TMCO5A: variants seen among roughly 807,000 people sequenced by gnomAD.
TMCO5A encodes the protein transmembrane and coiled-coil domains 5A.
TMCO5A carries 34 observed loss-of-function variants against 42.3 expected under a neutral mutation model. The ratio of observed to expected loss-of-function variants is 0.80; its 90% CI spans 0.61 to 1.07. The LOEUF (loss-of-function observed/expected upper bound fraction) is 1.07, where lower values mean the gene tolerates loss of function less well. TMCO5A is among the 50% of genes least tolerant of loss of function. The pLI, the probability that TMCO5A is intolerant of heterozygous loss-of-function variation, is 0.00. For missense variants in TMCO5A, 357 were observed against 327.9 expected (o/e 1.09, Z -0.69); for synonymous variants, 131 against 115.6 (o/e 1.13, Z -0.86).
rs570709604 is a variant in TMCO5A, at chr15:37,938,118, A to G, written c.316-40A>G. The G allele has an allele frequency of 5.3e-5, 80 of 1,514,550 alleles. 1 individual carries two copies. In the South Asian group the frequency reaches 7.7e-4, roughly 15 times the overall value. 93.8% of individuals were successfully genotyped at this position (1,514,550 alleles called of 1,614,324 possible). ...ACACCAGAGAAAGTCTTTGCCTTCT[A>G]CACCTTTTAATTTAGTATATTTTTT... On this transcript the variant is annotated intron_variant, in intron 5 of 11. Coordinates refer to ENST00000319669, the MANE Select transcript of TMCO5A (RefSeq NM_152453.4).
chr15:38,003,614 C>T, the TMCO5A span, among the ~76,000 whole-genome samples: 1 of 152,018 alleles, frequency 6.6e-6, no homozygotes, highest in African/African-American at 2.4e-5. Context: ...AGCTTTAAGA[C>T]AAAGTCCTTC....
At chr15:38,038,386 G>A in the TMCO5A span, among the ~76,000 whole-genome samples, 4 of 151,588 alleles carry the variant, frequency 2.6e-5, no homozygotes, top group Non-Finnish European at 4.4e-5. Context: ...ACTGGTATGA[G>A]ATATGGAAGA....
intron 11 of TMCO5A, among the ~76,000 whole-genome samples, chr15:37,961,463 G>A (rs927349388): frequency 2.0e-5 from 3 of 152,090 alleles, no homozygotes; most frequent in Non-Finnish European, 4.4e-5. Context: ...TTTGTTTGAA[G>A]TCAGGTAGTG....
downstream of TMCO5A, chr15:37,951,483 G>A (rs1184352976): frequency 4.7e-6 from 2 of 424,668 alleles, no homozygotes; most frequent in Non-Finnish European, 8.3e-6. Context: ...TGACCATTTG[G>A]GGAATTATAT....
downstream of TMCO5A, among the ~76,000 whole-genome samples, chr15:37,971,740 G>A (rs1430758411): frequency 6.6e-6 from 1 of 152,118 alleles, no homozygotes; most frequent in Non-Finnish European, 1.5e-5. Flanking sequence ...CAAATCTCTA[G>A]GGCAGGGGCA....
the TMCO5A span, among the ~76,000 whole-genome samples, chr15:38,036,297 G>C: frequency 6.6e-6 from 1 of 152,060 alleles, no homozygotes; most frequent in Non-Finnish European, 1.5e-5. Context: ...TCCAATGCTA[G>C]TCTCATCTAT....
chr15:38,003,633 C>G, the TMCO5A span, among the ~76,000 whole-genome samples: 16 of 152,076 alleles, frequency 1.1e-4, no homozygotes, highest in East Asian at 3.1e-3. Context: ...TCTCACTCTT[C>G]CCTCCTCTTT....
chr15:38,030,209 G>C, the TMCO5A span, among the ~76,000 whole-genome samples: 1 of 152,146 alleles, frequency 6.6e-6, no homozygotes, highest in Non-Finnish European at 1.5e-5. Flanking sequence ...CCAGTAACTG[G>C]ATCAGACAGA....
At chr15:37,999,685 GT>G in the TMCO5A span, among the ~76,000 whole-genome samples, 16 of 151,978 alleles carry the variant, frequency 1.1e-4, no homozygotes, top group African/African-American at 3.9e-4. Context: ...GGCTTTTATT[GT>G]ATTGAGGTAT....
chr15:38,038,792 A>C, the TMCO5A span, among the ~76,000 whole-genome samples: 2 of 152,168 alleles, frequency 1.3e-5, no homozygotes, highest in Non-Finnish European at 2.9e-5. Context: ...AAATTGCTTC[A>C]TTCTCCCAAC....
the TMCO5A span, chr15:37,994,515 A>G: frequency 1.3e-5 from 2 of 152,214 alleles, no homozygotes; most frequent in African/African-American, 4.8e-5. Flanking sequence ...TAAATATACG[A>G]CTTGATAGTC....
chr15:37,958,056 G>A (rs1437189714), intron 11 of TMCO5A, among the ~76,000 whole-genome samples: 1 of 152,128 alleles, frequency 6.6e-6, no homozygotes, highest in South Asian at 2.1e-4. Context: ...GCTGAAACTG[G>A]ATCCCTTCCT....
chr15:37,993,514 CT>C, the TMCO5A span: 1 of 152,020 alleles, frequency 6.6e-6, no homozygotes, highest in Non-Finnish European at 1.5e-5. Context: ...CTGAATTTCT[CT>C]GTATATGTGG....
At chr15:38,007,898 T>C in the TMCO5A span, among the ~76,000 whole-genome samples, 1 of 107,342 alleles carries the variant, frequency 9.3e-6, no homozygotes, top group African/African-American at 3.6e-5. Context: ...TTTTTTTTTT[T>C]TTTTTTTTTT....
intron 6 of TMCO5A, among the ~76,000 whole-genome samples, chr15:37,940,728 A>G (rs963117449): frequency 1.3e-5 from 2 of 152,102 alleles, no homozygotes; most frequent in Non-Finnish European, 2.9e-5. Flanking sequence ...CAGCTGATAT[A>G]GAATGGTCTT....
At chr15:37,941,540 C>A in intron 7 of TMCO5A, 131 bp from the exon 8 acceptor site, 2 of 754,472 alleles carry the variant, frequency 2.7e-6, no homozygotes, top group South Asian at 1.7e-5. Flanking sequence ...ATCTGTACAG[C>A]AAAAAAGAAA....
At chr15:37,972,039 G>A (rs911603119), downstream of TMCO5A, among the ~76,000 whole-genome samples, 13 of 152,044 alleles carry the variant, frequency 8.6e-5, no homozygotes, top group African/African-American at 2.9e-4. Context: ...CACTCTACTG[G>A]TACCAATTTA....
At chr15:38,028,252 C>T in the TMCO5A span, among the ~76,000 whole-genome samples, 4 of 152,242 alleles carry the variant, frequency 2.6e-5, no homozygotes, top group East Asian at 7.7e-4. Context: ...ATATAGACAA[C>T]GTAAAATATA....
At chr15:38,005,395 CAAAAAAAAAAAAA>C in the TMCO5A span, among the ~76,000 whole-genome samples, 275 of 44,042 alleles carry the variant, frequency 6.2e-3, 1 homozygote, top group African/African-American at 0.022. Context: ...CCATCTCTAC[CAAAAAAAAAAAAA>C]AAAAAAAAAA....
Sources: allele counts gnomAD v4.1 joint callset (sites outside exome capture counted in the v4.1 genomes callset), GRCh38; gene constraint gnomAD v4.1.1; transcripts MANE v1.5; gene names NCBI Gene and HGNC (gene_info 2026-07-23, HGNC 2026-07-21).